Variants in ALDH3A1 observed in about 807,000 individuals in gnomAD.
ALDH3A1 encodes the protein aldehyde dehydrogenase 3 family member A1.
ALDH3A1 carries 46 observed loss-of-function variants against 49.9 expected under a neutral mutation model. The ratio of observed to expected loss-of-function variants is 0.92; its 90% CI spans 0.73 to 1.18. The LOEUF (loss-of-function observed/expected upper bound fraction) is 1.18, where lower values mean the gene tolerates loss of function less well. Among genes scored for constraint, ALDH3A1 ranks in the 50% most tolerant of loss-of-function variants. The pLI is 0.00. For synonymous variants in ALDH3A1, 269 were observed against 253.3 expected (o/e 1.06, Z -0.59); for missense variants, 592 against 611.8 (o/e 0.97, Z 0.34).
Position 19,738,373 on chromosome 17 carries a change from GAGGCCTCACC to G in ALDH3A1, c.1287_1296del (p.Val430Ter). 3 of 1,613,938 alleles carry G rather than the reference GAGGCCTCACC, an allele frequency of 1.9e-6. No individual in the cohort carries two copies. Among genetic ancestry groups the G allele is most frequent in the Non-Finnish European group, 2.5e-6 (3 of 1,179,882 alleles). On this transcript the variant is annotated frameshift_variant, in exon 10 of 11. Coordinates refer to ENST00000225740, the MANE Select transcript of ALDH3A1 (RefSeq NM_000691.5). LOFTEE classifies it high-confidence loss of function. ...ACCTTCAGGCCTTCATCATTCATCA[GAGGCCTCACC>G]AGGCAAGAGCGGCGGTGAGAGAAAG...
Position 19,739,554 on chromosome 17 carries a change from T to G in ALDH3A1, c.1070A>C (p.Gln357Pro). Residue 357 changes from glutamine (Q) to proline (P), a missense_variant, in exon 8 of 11, where the codon CAG becomes CCG. Gln to Pro is a moderately conservative substitution (Grantham distance 76). Coordinates refer to ENST00000225740, the MANE Select transcript of ALDH3A1 (RefSeq NM_000691.5). ...GTAGAGGGCCAGGGGCTTCTCACGC[T>G]GGTTGATGAACTGGATGGCCTCCTC... Reference protein sequence around the residue: ...SLEEAIQFINQREKPLALYMF... With the variant: ...SLEEAIQFINPREKPLALYMF... The G allele has an allele frequency of 6.2e-7, 1 of 1,613,346 alleles. No homozygotes were observed. Among genetic ancestry groups the G allele is most frequent in the African/African-American group, 1.3e-5 (1 of 75,054 alleles).
At position 19,743,623 on chromosome 17, in the gene ALDH3A1, A is replaced by G; in HGVS notation, c.163-160T>C. On this transcript the variant is annotated intron_variant, in intron 2 of 10. Coordinates refer to ENST00000225740, the MANE Select transcript of ALDH3A1 (RefSeq NM_000691.5). This position sits in a 1 kb window ranked among gnomAD's most constrained non-coding sequence, Gnocchi z 4.4. ...GGCTCCCAGGGGAAGCAGAGCCAGG[A>G]TTAGCCGTTGGACCTGTGGGTCTGA... The G allele has an allele frequency of 2.1e-6, 3 of 1,427,974 alleles. No homozygotes were observed. Among genetic ancestry groups the G allele is most frequent in the Non-Finnish European group, 2.7e-6 (3 of 1,095,472 alleles). The allele number at this position is 1,427,974 out of a possible 1,614,324, so 88.5% of individuals were successfully genotyped here.
At chr17:19,742,352 G>C in intron 4 of ALDH3A1, 140 bp from the exon 5 acceptor site, 1 of 1,112,056 alleles carries the variant, frequency 9.0e-7, no homozygotes, top group South Asian at 1.5e-5. Flanking sequence ...GCAGTAACTG[G>C]CAGTAGACCG....
intron 1 of ALDH3A1, among the ~76,000 whole-genome samples, chr17:19,746,029 C>A (rs547245530): frequency 3.3e-5 from 5 of 152,314 alleles, no homozygotes; most frequent in African/African-American, 1.2e-4. Context: ...GCAGGCTATT[C>A]AGCATGTTTG....
chr17:19,740,608 G>T, intron 6 of ALDH3A1, 131 bp from the exon 7 acceptor site: 3 of 1,040,790 alleles, frequency 2.9e-6, no homozygotes, highest in Non-Finnish European at 2.8e-6. Flanking sequence ...TCTTCTTTAT[G>T]CTTTTTAATC....
intron 1 of ALDH3A1, chr17:19,745,743 CCTG>C (rs1395945780): frequency 6.6e-6 from 1 of 152,218 alleles, no homozygotes; most frequent in East Asian, 1.9e-4. Flanking sequence ...GGAGGCGATT[CCTG>C]CTACCAATAC....
In ALDH3A1 at chr17:19,739,523, G is replaced by A; in HGVS notation, c.1101C>T (p.Phe367=). ...QREKPLALYM[F]SSNDKVIKKM... is the part of the protein sequence containing the mutation. ...CACCACCCACCTTGTCGTTGCTGGA[G>A]AACATGTAGAGGGCCAGGGGCTTCT... Residue 367 remains phenylalanine (F), a synonymous_variant, in exon 8 of 11, where the codon TTC becomes TTT. Coordinates refer to ENST00000225740, the MANE Select transcript of ALDH3A1 (RefSeq NM_000691.5). The A allele has an allele frequency of 6.2e-7, 1 of 1,611,240 alleles. No homozygotes were observed. The highest frequency in any genetic ancestry group is 8.5e-7 in the Non-Finnish European group (1 of 1,179,056).
rs943582002 is a variant in ALDH3A1, at chr17:19,740,219, T to A, written c.949+117A>T. Reference sequence around the variant, plus strand: ...ACCGCAGGCTCCCTGGTGAAAGCAATTTATACCCATCCCGAGGTCGTGTCC... The same window carrying A: ...ACCGCAGGCTCCCTGGTGAAAGCAAATTATACCCATCCCGAGGTCGTGTCC... On this transcript the variant is annotated intron_variant, in intron 7 of 10. Coordinates refer to ENST00000225740, the MANE Select transcript of ALDH3A1 (RefSeq NM_000691.5). The A allele has an allele frequency of 1.4e-5, 20 of 1,434,650 alleles. No individual in the cohort carries two copies. The South Asian group carries it at 2.6e-4, about 18-fold the overall frequency. The allele number at this position is 1,434,650 out of a possible 1,614,324, so 88.9% of individuals were successfully genotyped here.
At position 19,745,115 on chromosome 17, in the gene ALDH3A1, G is replaced by A. The variant is rs779986721; in HGVS notation, c.15C>T (p.Ser5=). Reference sequence around the variant, plus strand: ...CGGCGCGGGCGCGCTTCACGGCCTCGCTGATCTTGCTCATGGCGCCTGGGG... The same window carrying A: ...CGGCGCGGGCGCGCTTCACGGCCTCACTGATCTTGCTCATGGCGCCTGGGG... MSKI[S]EAVKRARAAF... Residue 5 remains serine (S), a synonymous_variant, in exon 2 of 11, where the codon AGC becomes AGT. Coordinates refer to ENST00000225740, the MANE Select transcript of ALDH3A1 (RefSeq NM_000691.5). The A allele has an allele frequency of 1.3e-6, 2 of 1,579,854 alleles. No homozygotes were observed. The highest frequency in any genetic ancestry group is 2.2e-5 in the South Asian group (2 of 89,498).
rs150970681 is a variant in ALDH3A1, at chr17:19,743,239, G to C, written c.387C>G (p.Ile129Met). ...TCCCACAGGGCCATGCACCTGCAGC[G>C]ATGGCGCCCACCATGGGCTGGATGG... ...NLTIQPMVGA[I>M]AAGNSVVLKP... is the part of the protein sequence containing the mutation. Residue 129 changes from isoleucine to methionine, a missense_variant, in exon 3 of 11, where the codon ATC becomes ATG. Transcript: ENST00000225740. This position sits in a 1 kb window ranked among gnomAD's most constrained non-coding sequence, Gnocchi z 4.4. The C allele has an allele frequency of 6.2e-7, 1 of 1,613,550 alleles. No individual in the cohort carries two copies. Among genetic ancestry groups the C allele is most frequent in the Admixed American group, 1.7e-5 (1 of 59,982 alleles).
rs757137153 is a variant in ALDH3A1, at chr17:19,742,548, G to C, written c.477C>G (p.Asp159Glu). 7 of 1,613,010 alleles carry C rather than the reference G, an allele frequency of 4.3e-6. No homozygotes were observed. The highest frequency in any genetic ancestry group is 5.9e-6 in the Non-Finnish European group (7 of 1,179,282). The change falls in exon 4 of 11, where the codon GAC becomes GAG. Residue 159 changes from aspartate (D) to glutamate (E), a missense_variant. By Grantham distance (45) the Asp-to-Glu change is conservative (BLOSUM62 2). Transcript: ENST00000225740. ...LLATIIPQYL[D>E]KDLYPVINGG... ...GAGGCCCTGGAGGGCAACTCACCTT[G>C]TCCAGGTACTGGGGGATGATGGTAG... is the stretch of plus-strand genomic sequence containing the variant.
chr17:19,746,694 TGC>T (rs1390212741), intron 1 of ALDH3A1, among the ~76,000 whole-genome samples: 2 of 144,548 alleles, frequency 1.4e-5, no homozygotes, highest in East Asian at 2.0e-4. Context: ...CGTGTGTGTG[TGC>T]GTGCGTGTGT....
At chr17:19,740,970 T>A (rs2152374141) in intron 6 of ALDH3A1, 123 bp downstream of exon 6, 1 of 749,768 alleles carries the variant, frequency 1.3e-6, no homozygotes. Flanking sequence ...CTAGCTTGCA[T>A]TATGTTTATA....
At position 19,738,144 on chromosome 17, in the gene ALDH3A1, G is replaced by A; in HGVS notation, c.*77C>T. 6.2e-7 allele frequency: 1 copy of A among 1,610,320 alleles called. No homozygotes were observed. Among genetic ancestry groups the A allele is most frequent in the Non-Finnish European group, 8.5e-7 (1 of 1,179,896 alleles). ...TGGGGCTGCAGGAGCGATTCTCCCA[G>A]GGCCAGGAGAGCCAGTGAGGGTGGT... On this transcript the variant is annotated 3_prime_UTR_variant, in exon 11 of 11. Coordinates refer to ENST00000225740, the MANE Select transcript of ALDH3A1 (RefSeq NM_000691.5).
intron 2 of ALDH3A1, 178 bp downstream of exon 2, chr17:19,744,790 C>G: frequency 7.3e-7 from 1 of 1,367,962 alleles, no homozygotes; most frequent in Non-Finnish European, 9.4e-7. Context: ...GAAGAGGCGG[C>G]GGGGGCGCGC....
In ALDH3A1 at chr17:19,738,153, G is replaced by A; in HGVS notation, c.*68C>T. 1.9e-6 allele frequency: 3 copies of A among 1,611,710 alleles called. No homozygotes were observed. The highest frequency in any genetic ancestry group is 2.5e-6 in the Non-Finnish European group (3 of 1,179,940). ...AGGAGCGATTCTCCCAGGGCCAGGA[G>A]AGCCAGTGAGGGTGGTCCGCACTCC... On this transcript the variant is annotated 3_prime_UTR_variant, in exon 11 of 11. Transcript: ENST00000225740.
intron 3 of ALDH3A1, 97 bp from the exon 4 acceptor site, chr17:19,742,727 T>C: frequency 6.3e-7 from 1 of 1,592,554 alleles, no homozygotes; most frequent in East Asian, 2.3e-5. Context: ...CCATTGTGTG[T>C]CCTCGGGACA....
At chr17:19,745,481 C>T (rs1567656523) in intron 1 of ALDH3A1, 2 of 237,126 alleles carry the variant, frequency 8.4e-6, no homozygotes, top group Non-Finnish European at 1.6e-5. Context: ...AGACCAACAC[C>T]CCCAGAGCTC....
At chr17:19,740,021 A>C (rs2086461384) in intron 7 of ALDH3A1, among the ~76,000 whole-genome samples, 1 of 152,106 alleles carries the variant, frequency 6.6e-6, no homozygotes, top group African/African-American at 2.4e-5. Flanking sequence ...CAGCCTGGGC[A>C]CTGGGGGCCC....
Sources: allele counts gnomAD v4.1 joint callset (sites outside exome capture counted in the v4.1 genomes callset), GRCh38; gene constraint gnomAD v4.1.1; non-coding constraint Gnocchi (gnomAD v3.1); transcripts MANE v1.5; gene names NCBI Gene and HGNC (gene_info 2026-07-23, HGNC 2026-07-21).